CHCHD3: variants seen among roughly 807,000 people sequenced by gnomAD.
CHCHD3 encodes MICOS complex subunit MIC19.
In CHCHD3, 20 loss-of-function variants were observed where a neutral mutation model predicts 38.2. The ratio of observed to expected loss-of-function variants is 0.52; its 90% CI spans 0.37 to 0.76. The LOEUF (loss-of-function observed/expected upper bound fraction) is 0.76. Among genes scored for constraint, CHCHD3 ranks in the 30% least tolerant of loss-of-function variants. The pLI is 0.00. For missense variants in CHCHD3, 245 were observed against 279.2 expected (o/e 0.88, Z 0.87); for synonymous variants, 82 against 100.0 (o/e 0.82, Z 1.07).
intron 4 of CHCHD3, among the ~76,000 whole-genome samples, chr7:132,957,854 A>G (rs1319449241): frequency 1.3e-5 from 2 of 152,198 alleles, no homozygotes; most frequent in African/African-American, 4.8e-5. Flanking sequence ...CTATTACTAG[A>G]AACAACTTCA....
intron 5 of CHCHD3, among the ~76,000 whole-genome samples, chr7:132,846,381 C>A (rs1345685022): frequency 2.0e-5 from 3 of 152,230 alleles, no homozygotes; most frequent in African/African-American, 7.2e-5. Context: ...GGAGTGAGCC[C>A]AGCTGATAAC....
At chr7:132,895,671 G>A (rs2117192132) in intron 4 of CHCHD3, among the ~76,000 whole-genome samples, 1 of 152,336 alleles carries the variant, frequency 6.6e-6, no homozygotes, top group Admixed American at 6.5e-5. Flanking sequence ...TTATAAAGGG[G>A]AATTCCTCTG....
At chr7:132,905,673 T>C (rs796944322) in intron 4 of CHCHD3, among the ~76,000 whole-genome samples, 8 of 152,242 alleles carry the variant, frequency 5.3e-5, no homozygotes, top group East Asian at 1.9e-4. Context: ...ATCCTTAATA[T>C]GTTATTCCAA....
chr7:133,012,811 AGAGGGGAGGGGAAGG>A (rs1457229298), intron 3 of CHCHD3, among the ~76,000 whole-genome samples: 1 of 71,106 alleles, frequency 1.4e-5, no homozygotes, highest in Non-Finnish European at 2.6e-5. Context: ...GGAGGGGAAG[AGAGGGGAGGGGAAGG>A]GAGGGGAGGA....
At chr7:132,965,730 A>G (rs1811449173) in intron 4 of CHCHD3, among the ~76,000 whole-genome samples, 2 of 152,234 alleles carry the variant, frequency 1.3e-5, no homozygotes, top group Admixed American at 6.5e-5. Context: ...GTATATGAGT[A>G]GGTTTTATCA....
intron 6 of CHCHD3, among the ~76,000 whole-genome samples, chr7:132,824,810 A>C (rs1267975982): frequency 5.3e-5 from 8 of 152,066 alleles, no homozygotes; most frequent in Non-Finnish European, 8.8e-5. Flanking sequence ...CCCTCTTCTT[A>C]CCTTAAGAAA....
At chr7:132,878,274 A>G (rs961191360) in intron 5 of CHCHD3, among the ~76,000 whole-genome samples, 1 of 152,142 alleles carries the variant, frequency 6.6e-6, no homozygotes, top group Non-Finnish European at 1.5e-5. Flanking sequence ...GTCATTTCTC[A>G]TTATTATCAT....
At chr7:133,031,683 C>T (rs943380071) in intron 2 of CHCHD3, among the ~76,000 whole-genome samples, 3 of 151,968 alleles carry the variant, frequency 2.0e-5, no homozygotes, top group Admixed American at 6.6e-5. Context: ...TAGGTCATGG[C>T]CAATTTTGTA....
intron 3 of CHCHD3, chr7:133,022,527 A>G (rs1813213548): frequency 2.2e-6 from 1 of 456,198 alleles, no homozygotes. Flanking sequence ...AAATATAGCT[A>G]TTGATTCTCC....
At chr7:133,078,565 G>T (rs1584692098) in intron 1 of CHCHD3, among the ~76,000 whole-genome samples, 1 of 152,172 alleles carries the variant, frequency 6.6e-6, no homozygotes, top group Middle Eastern at 3.4e-3. Context: ...GTCATTATAT[G>T]AAAAAAATAA....
intron 4 of CHCHD3, among the ~76,000 whole-genome samples, chr7:132,917,228 T>A (rs999597818): frequency 6.6e-6 from 1 of 152,166 alleles, no homozygotes. Context: ...ACAACAGACT[T>A]TCCATCTAAG....
chr7:132,872,168 G>A (rs2117151562), intron 5 of CHCHD3, among the ~76,000 whole-genome samples: 1 of 152,302 alleles, frequency 6.6e-6, no homozygotes, highest in East Asian at 1.9e-4. Context: ...GGAAGTTGAA[G>A]TTCAAATAGT....
chr7:132,861,551 A>AT (rs1210031568), intron 5 of CHCHD3, among the ~76,000 whole-genome samples: 1 of 152,194 alleles, frequency 6.6e-6, no homozygotes, highest in African/African-American at 2.4e-5. Context: ...TCCACAATCA[A>AT]TTATCCTCAG....
intron 3 of CHCHD3, among the ~76,000 whole-genome samples, chr7:132,982,052 T>C (rs1811931849): frequency 6.6e-6 from 1 of 152,220 alleles, no homozygotes; most frequent in South Asian, 2.1e-4. Context: ...TTCAAGATAC[T>C]GTTTACCATC....
intron 4 of CHCHD3, among the ~76,000 whole-genome samples, chr7:132,956,697 T>C (rs1009036485): frequency 6.6e-6 from 1 of 152,200 alleles, no homozygotes; most frequent in African/African-American, 2.4e-5. Flanking sequence ...ACTATCTCAC[T>C]CATTGTAACA....
intron 3 of CHCHD3, among the ~76,000 whole-genome samples, chr7:133,018,567 G>A (rs1194889680): frequency 6.6e-6 from 1 of 152,148 alleles, no homozygotes; most frequent in African/African-American, 2.4e-5. Context: ...TTGAAGGTAT[G>A]TAATTTTCAT....
chr7:132,882,757 A>C (rs1002488522), intron 5 of CHCHD3, among the ~76,000 whole-genome samples: 1 of 152,134 alleles, frequency 6.6e-6, no homozygotes, highest in Admixed American at 6.6e-5. Flanking sequence ...AACATAGTAA[A>C]ACCTGATGAC....
intron 6 of CHCHD3, among the ~76,000 whole-genome samples, chr7:132,799,714 G>A (rs28630624): frequency 9.3e-4 from 141 of 152,268 alleles, no homozygotes; most frequent in African/African-American, 3.2e-3. Context: ...GTCAACCTTT[G>A]AAAATATACA....
At chr7:132,866,378 G>A (rs1378732151) in intron 5 of CHCHD3, among the ~76,000 whole-genome samples, 1 of 152,164 alleles carries the variant, frequency 6.6e-6, no homozygotes, top group Non-Finnish European at 1.5e-5. Flanking sequence ...AAAACATGAG[G>A]ATAACACTCC....
Sources: gnomAD v4.1 joint callset for allele counts (sites outside exome capture counted in the v4.1 genomes callset) on GRCh38, gnomAD v4.1.1 for gene constraint, MANE v1.5 for transcripts, NCBI Gene and HGNC (gene_info 2026-07-23, HGNC 2026-07-21) for gene names.